Variants in VSNL1 observed in about 807,000 individuals in gnomAD.
VSNL1 encodes the protein visinin like 1.
In VSNL1, 6 loss-of-function variants were observed where a neutral mutation model predicts 20.4. The ratio of observed to expected loss-of-function variants is 0.29; its 90% CI spans 0.16 to 0.58. VSNL1 has a LOEUF of 0.58. Among genes scored for constraint, VSNL1 ranks in the 20% least tolerant of loss-of-function variants. The pLI is 0.90. For synonymous variants in VSNL1, 93 were observed against 86.4 expected, an observed-to-expected ratio of 1.08 and a Z score of -0.42; for missense variants, 100 against 234.5, an observed-to-expected ratio of 0.43 and a Z score of 3.75.
intron 2 of VSNL1, among the ~76,000 whole-genome samples, chr2:17,611,012 A>G (rs982870563): frequency 2.6e-5 from 4 of 152,248 alleles, no homozygotes; most frequent in East Asian, 1.9e-4. Context: ...TTGAGACCCT[A>G]CTATGTGTTA....
At chr2:17,646,247 G>A (rs1665993716) in intron 2 of VSNL1, among the ~76,000 whole-genome samples, 2 of 152,206 alleles carry the variant, frequency 1.3e-5, no homozygotes, top group Non-Finnish European at 2.9e-5. Context: ...GTACATATGT[G>A]CTGCCAGAAG....
intron 1 of VSNL1, among the ~76,000 whole-genome samples, chr2:17,560,194 C>T (rs1350005745): frequency 1.4e-4 from 6 of 43,918 alleles, no homozygotes; most frequent in Non-Finnish European, 3.2e-4. Flanking sequence ...AATAGGAAAA[C>T]ATCATATATA....
At chr2:17,625,767 G>A (rs1665495595) in intron 2 of VSNL1, among the ~76,000 whole-genome samples, 1 of 151,732 alleles carries the variant, frequency 6.6e-6, no homozygotes, top group Non-Finnish European at 1.5e-5. Context: ...TTGAGGCAGG[G>A]AAGATATAGA....
At chr2:17,625,012 G>A (rs566641499) in intron 2 of VSNL1, among the ~76,000 whole-genome samples, 14 of 152,306 alleles carry the variant, frequency 9.2e-5, no homozygotes, top group African/African-American at 3.4e-4. Context: ...TGGGGGACCT[G>A]GTGGGAGATA....
chr2:17,609,141 G>A (rs2103391583), intron 2 of VSNL1, among the ~76,000 whole-genome samples: 1 of 152,284 alleles, frequency 6.6e-6, no homozygotes, highest in Admixed American at 6.5e-5. Context: ...TGGTAGCTGT[G>A]CTCTGTGAGT....
At chr2:17,558,071 G>A (rs62131503) in intron 1 of VSNL1, among the ~76,000 whole-genome samples, 4,460 of 152,180 alleles carry the variant, frequency 0.029, 64 homozygotes, top group Middle Eastern at 0.054. Context: ...GTCAAGACTA[G>A]GAATTAGATA....
Position 17,655,598 on chromosome 2 carries a change from T to C in VSNL1, c.*204T>C, listed in dbSNP as rs1220223258. On this transcript the variant is annotated 3_prime_UTR_variant, in exon 4 of 4. Coordinates refer to ENST00000295156, the MANE Select transcript of VSNL1 (RefSeq NM_003385.5). The surrounding 1 kb of genome is among the most constrained non-coding windows in gnomAD (Gnocchi z 5.2). ...TTTGCTAATGAATTTTAAAAGCATATATAAAACAAAACAAACAACCTGCCA... is the reference window on the plus strand; with the variant it reads ...TTTGCTAATGAATTTTAAAAGCATACATAAAACAAAACAAACAACCTGCCA... 1.8e-5 allele frequency: 10 copies of C among 550,046 alleles called. No individual in the cohort carries two copies. The highest frequency in any genetic ancestry group is 3.3e-5 in the Admixed American group (1 of 29,934). The allele number at this position is 550,046 out of a possible 1,614,324, so 34.1% of individuals were successfully genotyped here.
intron 1 of VSNL1, among the ~76,000 whole-genome samples, chr2:17,568,441 C>T (rs1161005204): frequency 2.0e-5 from 3 of 152,180 alleles, no homozygotes; most frequent in South Asian, 2.1e-4. Flanking sequence ...CAAGTATATA[C>T]ATATTTTTTT....
At chr2:17,602,272 AG>A (rs1285132268) in intron 2 of VSNL1, among the ~76,000 whole-genome samples, 1 of 152,080 alleles carries the variant, frequency 6.6e-6, no homozygotes, top group African/African-American at 2.4e-5. Context: ...TTTCTCTCTG[AG>A]GGTTGTTATG....
In VSNL1 at chr2:17,656,174, T is replaced by C. The variant is rs1217250794; in HGVS notation, c.*780T>C. 1 of 152,290 alleles carries C rather than the reference T, an allele frequency of 6.6e-6. No individual in the cohort carries two copies. The highest frequency in any genetic ancestry group is 1.5e-5 in the Non-Finnish European group (1 of 68,032). The allele number at this position is 152,290 out of a possible 1,614,324, so 9.4% of individuals were successfully genotyped here. On this transcript the variant is annotated 3_prime_UTR_variant, in exon 4 of 4. Coordinates refer to ENST00000295156, the MANE Select transcript of VSNL1 (RefSeq NM_003385.5). ...GCAATAAATGTCCCAAATAAATTTA[T>C]AACAATTGATTTTCCCCCTAATTCT... is the stretch of plus-strand genomic sequence containing the variant.
chr2:17,642,599 C>T (rs759152873), intron 2 of VSNL1, among the ~76,000 whole-genome samples: 16 of 152,150 alleles, frequency 1.1e-4, no homozygotes, highest in Non-Finnish European at 2.1e-4. Flanking sequence ...TGAGCCACTG[C>T]GCCCAGCCGG....
intron 1 of VSNL1, among the ~76,000 whole-genome samples, chr2:17,579,703 T>G (rs1260288845): frequency 6.6e-6 from 1 of 152,110 alleles, no homozygotes; most frequent in African/African-American, 2.4e-5. Flanking sequence ...AAAGGTGTGG[T>G]CCAATGAACT....
chr2:17,639,471 A>G lies in VSNL1; in HGVS notation c.163-9939A>G, dbSNP rs539152102. Among the ~76,000 whole-genome samples, 5 of 152,296 alleles carry G rather than the reference A, an allele frequency of 3.3e-5. No homozygotes were observed. In the South Asian group the frequency reaches 1.0e-3, roughly 32 times the overall value. ...CATCTCTCTGAGCACCTTGCCTAGT[A>G]TCTGCCACATATGGTGCACATAGTG... On this transcript the variant is annotated intron_variant, in intron 2 of 3. Transcript: ENST00000295156.
At chr2:17,559,142 A>G (rs962054253) in intron 1 of VSNL1, among the ~76,000 whole-genome samples, 10 of 152,128 alleles carry the variant, frequency 6.6e-5, no homozygotes. Context: ...GAAAAGGGAG[A>G]TGAAGGTCAG....
chr2:17,557,350 T>G (rs1663709591), intron 1 of VSNL1, among the ~76,000 whole-genome samples: 1 of 152,206 alleles, frequency 6.6e-6, no homozygotes, highest in African/African-American at 2.4e-5. Flanking sequence ...CAAATATTTA[T>G]TGGACATCAT....
Position 17,608,871 on chromosome 2 carries a change from G to A in VSNL1, c.162+16635G>A, listed in dbSNP as rs764171447. Among the ~76,000 whole-genome samples the A allele has an allele frequency of 2.8e-4, 42 of 152,078 alleles. 1 individual carries two copies. Among genetic ancestry groups the A allele is most frequent in the Non-Finnish European group, 1.5e-4 (10 of 68,026 alleles). ...GTTAATATGTGTTTATCATTTGAAGGGATGAATGACTCCCTTAAAGGACTA... is the reference window on the plus strand; with the variant it reads ...GTTAATATGTGTTTATCATTTGAAGAGATGAATGACTCCCTTAAAGGACTA... On this transcript the variant is annotated intron_variant, in intron 2 of 3. Coordinates refer to ENST00000295156, the MANE Select transcript of VSNL1 (RefSeq NM_003385.5).
intron 3 of VSNL1, among the ~76,000 whole-genome samples, chr2:17,651,111 G>GT (rs915540174): frequency 3.3e-5 from 5 of 152,068 alleles, no homozygotes; most frequent in African/African-American, 1.2e-4. Flanking sequence ...GTTTTTCCAA[G>GT]TTTTTTCTCC....
In VSNL1 at chr2:17,655,704, A is replaced by C. The variant is rs1666217180; in HGVS notation, c.*310A>C. 3.6e-6 allele frequency: 1 copy of C among 277,610 alleles called. No individual in the cohort carries two copies. The highest frequency in any genetic ancestry group is 2.2e-5 in the African/African-American group (1 of 45,406). The allele number at this position is 277,610 out of a possible 1,614,324, so 17.2% of individuals were successfully genotyped here. A position where few individuals can be genotyped will look rare whatever the true frequency, so the allele number is the denominator to read the frequency against. Reference sequence around the variant, plus strand: ...GCAGAAATGTGCTGCAAAGAGTTATATGACTTCTTGTTCATGTTTTGCTAA... The same window carrying C: ...GCAGAAATGTGCTGCAAAGAGTTATCTGACTTCTTGTTCATGTTTTGCTAA... On this transcript the variant is annotated 3_prime_UTR_variant, in exon 4 of 4. Coordinates refer to ENST00000295156, the MANE Select transcript of VSNL1 (RefSeq NM_003385.5). This position sits in a 1 kb window ranked among gnomAD's most constrained non-coding sequence, Gnocchi z 5.2.
At chr2:17,576,068 T>C (rs908092202) in intron 1 of VSNL1, among the ~76,000 whole-genome samples, 1 of 152,242 alleles carries the variant, frequency 6.6e-6, no homozygotes, top group Non-Finnish European at 1.5e-5. Flanking sequence ...TTCATCTCCA[T>C]ATCCTGATAC....
Sources: gnomAD v4.1 joint callset for allele counts (sites outside exome capture counted in the v4.1 genomes callset) on GRCh38, gnomAD v4.1.1 for gene constraint, Gnocchi (gnomAD v3.1) non-coding constraint, MANE v1.5 for transcripts, NCBI Gene and HGNC (gene_info 2026-07-23, HGNC 2026-07-21) for gene names.